PLIN3: variants seen among roughly 807,000 people sequenced by gnomAD.
The protein encoded by PLIN3 is perilipin-3.
A neutral mutation model predicts 35.9 loss-of-function variants in PLIN3; 30 were observed. That is an observed-to-expected ratio of 0.84 (90% CI 0.62 to 1.13). The LOEUF (loss-of-function observed/expected upper bound fraction) is 1.13, where lower values mean the gene tolerates loss of function less well. Among genes scored for constraint, PLIN3 ranks in the 50% most tolerant of loss-of-function variants. The probability of loss-of-function intolerance (pLI) is 0.00; values close to 1 mark genes in which losing one functional copy is unlikely to be tolerated. For synonymous variants in PLIN3, 261 were observed against 262.5 expected (o/e 0.99, Z 0.06); for missense variants, 603 against 596.9 (o/e 1.01, Z -0.11).
intron 7 of PLIN3, among the ~76,000 whole-genome samples, chr19:4,843,269 G>A (rs1194105492): frequency 6.6e-6 from 1 of 151,884 alleles, no homozygotes; most frequent in African/African-American, 2.4e-5. Context: ...CACTTTGGGA[G>A]GCCGAGGCGG....
chr19:4,864,219 T>C (rs973110881), intron 1 of PLIN3, among the ~76,000 whole-genome samples: 1 of 150,998 alleles, frequency 6.6e-6, no homozygotes, highest in African/African-American at 2.4e-5. Flanking sequence ...GTGGCGTGAT[T>C]TCGGCTCACT....
At chr19:4,856,031 A>G (rs1360646603) in intron 4 of PLIN3, among the ~76,000 whole-genome samples, 1 of 152,062 alleles carries the variant, frequency 6.6e-6, no homozygotes, top group Non-Finnish European at 1.5e-5. Flanking sequence ...GGGACAGCAC[A>G]GCTCCCCGGC....
At position 4,860,082 on chromosome 19, in the gene PLIN3, G is replaced by A. The variant is rs1599174285; in HGVS notation, c.67-58C>T. On this transcript the variant is annotated intron_variant, in intron 2 of 7. Coordinates refer to ENST00000221957, the MANE Select transcript of PLIN3 (RefSeq NM_005817.5). ...TGGGGGAAGATGGGGAGCTCAGCCG[G>A]AAACTCAGGGTGCCCTGCAGTTTTG... 3 of 1,503,002 alleles carry A rather than the reference G, an allele frequency of 2.0e-6. No homozygotes were observed. The East Asian group carries it at 6.9e-5, about 34-fold the overall frequency. The allele number at this position is 1,503,002 out of a possible 1,614,324, so 93.1% of individuals were successfully genotyped here.
Position 4,838,531 on chromosome 19 carries a change from A to G in PLIN3, c.*661T>C, listed in dbSNP as rs1233690682. ...TAGCTACAGGCTGATATTCAGGGAC[A>G]TCGGTGTAAACAAAGAAGTGGGATA... On this transcript the variant is annotated 3_prime_UTR_variant, in exon 8 of 8. Coordinates refer to ENST00000221957, the MANE Select transcript of PLIN3 (RefSeq NM_005817.5). 6.6e-6 allele frequency: 1 copy of G among 152,242 alleles called. No homozygotes were observed. The highest frequency in any genetic ancestry group is 1.5e-5 in the Non-Finnish European group (1 of 68,026). 9.4% of individuals were successfully genotyped at this position (152,242 alleles called of 1,614,324 possible).
chr19:4,858,564 A>T (rs1486106708), intron 4 of PLIN3, among the ~76,000 whole-genome samples: 1 of 149,438 alleles, frequency 6.7e-6, no homozygotes, highest in Non-Finnish European at 1.5e-5. Flanking sequence ...TTGTAGTTTT[A>T]GTAGAGATGG....
At position 4,839,475 on chromosome 19, in the gene PLIN3, C is replaced by T. The variant is rs2093625800; in HGVS notation, c.1022G>A (p.Cys341Tyr). ...CTGAATGCTGGACCCCAGGGAGGTACAGGTGGCCTGCAGTTGCTGGGCAAT... is the reference window on the plus strand; with the variant it reads ...CTGAATGCTGGACCCCAGGGAGGTATAGGTGGCCTGCAGTTGCTGGGCAAT... ...RDIAQQLQAT[C>Y]TSLGSSIQGL... The change falls in exon 8 of 8, where the codon TGT becomes TAT. Residue 341 changes from cysteine to tyrosine, a missense_variant. Physicochemically the swap from Cys to Tyr is radical, Grantham distance 194. Coordinates refer to ENST00000221957, the MANE Select transcript of PLIN3 (RefSeq NM_005817.5). The T allele has an allele frequency of 1.3e-6, 2 of 1,560,708 alleles. No homozygotes were observed. The highest frequency in any genetic ancestry group is 1.2e-5 in the South Asian group (1 of 84,334).
rs1036804802 is a variant in PLIN3, at chr19:4,867,651, A to C, written c.-60T>G. On this transcript the variant is annotated 5_prime_UTR_variant, in exon 1 of 8. Transcript: ENST00000221957. ...CCCAGGAACAGCTGCCGCGACTTCA[A>C]AACCAGCTTGGAAACCGTCCGGGCC... 1.3e-5 allele frequency: 2 copies of C among 152,016 alleles called. No individual in the cohort carries two copies. Among genetic ancestry groups the C allele is most frequent in the African/African-American group, 4.8e-5 (2 of 41,390 alleles). The allele number at this position is 152,016 out of a possible 1,614,324, so 9.4% of individuals were successfully genotyped here.
At chr19:4,839,681 T>G in intron 7 of PLIN3, 145 bp from the exon 8 acceptor site, 1 of 557,426 alleles carries the variant, frequency 1.8e-6, no homozygotes, top group Non-Finnish European at 2.9e-6. Flanking sequence ...TTTTTTTTTT[T>G]TTGAGACGGA....
At chr19:4,857,949 C>A (rs1450757482) in intron 4 of PLIN3, among the ~76,000 whole-genome samples, 1 of 150,114 alleles carries the variant, frequency 6.7e-6, no homozygotes, top group African/African-American at 2.5e-5. Context: ...GCACTCCAGC[C>A]TGGGCAACAA....
chr19:4,857,551 A>C (rs1274061637), intron 4 of PLIN3, among the ~76,000 whole-genome samples: 1 of 152,080 alleles, frequency 6.6e-6, no homozygotes, highest in Non-Finnish European at 1.5e-5. Context: ...CCTGGGTGAC[A>C]GAGTGAGAAC....
Position 4,859,840 on chromosome 19 carries a change from T to C in PLIN3, c.251A>G (p.Lys84Arg). The C allele has an allele frequency of 6.2e-7, 1 of 1,613,222 alleles. No individual in the cohort carries two copies. ...ACTTCACCCACTCTGGGGCTCCAGC[T>C]TGGAGAGGATCGGCTGAGCCCCGCT... ...AVSGAQPILS[K>R]LEPQIASASE... The change falls in exon 3 of 8, where the codon AAG becomes AGG. Residue 84 changes from lysine to arginine, a missense_variant. Coordinates refer to ENST00000221957, the MANE Select transcript of PLIN3 (RefSeq NM_005817.5).
At position 4,852,192 on chromosome 19, in the gene PLIN3, G is replaced by A. The variant is rs200088381; in HGVS notation, c.458C>T (p.Ala153Val). The A allele has an allele frequency of 7.4e-6, 12 of 1,613,116 alleles. No homozygotes were observed. The highest frequency in any genetic ancestry group is 2.2e-5 in the East Asian group (1 of 44,882). ...VATQLSEAVD[A>V]TRGAVQSGVD... ...GCCGCTCTGCACAGCACCGCGGGTC[G>A]CGTCCACCGCCTCCGACAATTGGGT... Residue 153 changes from alanine (A) to valine (V), a missense_variant, in exon 5 of 8, where the codon GCG becomes GTG. Physicochemically the swap from Ala to Val is moderately conservative, Grantham distance 64. Coordinates refer to ENST00000221957, the MANE Select transcript of PLIN3 (RefSeq NM_005817.5).
intron 4 of PLIN3, among the ~76,000 whole-genome samples, chr19:4,854,152 C>T (rs372592650): frequency 4.5e-4 from 68 of 151,938 alleles, no homozygotes; most frequent in African/African-American, 1.6e-3. Flanking sequence ...AGGCTGGTTT[C>T]GAACTCCTGG....
Position 4,859,952 on chromosome 19 carries a change from C to T in PLIN3, c.139G>A (p.Ala47Thr), listed in dbSNP as rs201172017. 3 of 1,613,994 alleles carry T rather than the reference C, an allele frequency of 1.9e-6. No individual in the cohort carries two copies. Among genetic ancestry groups the T allele is most frequent in the African/African-American group, 1.3e-5 (1 of 74,930 alleles). ...TGCGGGTAGCTCTCCTTGGTGGAGG[C>T]ATAGGCTGCGGACACCATGTCGCAG... is the stretch of plus-strand genomic sequence containing the variant. ...STCDMVSAAY[A>T]STKESYPHIK... The change falls in exon 3 of 8, where the codon GCC (alanine) becomes ACC (threonine). Residue 47 changes from alanine (A) to threonine (T), a missense_variant. Transcript: ENST00000221957.
intron 1 of PLIN3, among the ~76,000 whole-genome samples, chr19:4,864,157 GTT>G (rs534017690): frequency 6.7e-5 from 8 of 119,918 alleles, no homozygotes; most frequent in African/African-American, 2.2e-4. Context: ...GTGTGGTTTT[GTT>G]TTTTTTTTTT....
rs201376970 is a variant in PLIN3 at position 4,839,309 on chromosome 19, G to A, written c.1188C>T (p.Ser396=). 1.3e-4 allele frequency: 206 copies of A among 1,613,942 alleles called. No homozygotes were observed. Among genetic ancestry groups the A allele is most frequent in the Admixed American group, 1.8e-4 (11 of 59,970 alleles). The change falls in exon 8 of 8, where the codon AGC becomes AGT. Residue 396 remains serine (S), a synonymous_variant. Transcript: ENST00000221957. The stretch of plus-strand genomic sequence containing the variant: ...CCATGTGGTCCAGGGCCTCGCGGGC[G>A]CTGGCGACACGCTCACGGCTCTGGG... ...ILAQSRERVA[S]AREALDHMVE...
chr19:4,861,656 G>A (rs949551568), intron 1 of PLIN3, among the ~76,000 whole-genome samples: 4 of 151,700 alleles, frequency 2.6e-5, no homozygotes, highest in African/African-American at 9.7e-5. Context: ...ATTTTCTTTG[G>A]AGACAGTCTC....
chr19:4,859,962 G>C lies in PLIN3; in HGVS notation c.129C>G (p.Ser43=), dbSNP rs773053228. 3 of 1,614,088 alleles carry C rather than the reference G, an allele frequency of 1.9e-6. No homozygotes were observed. The South Asian group carries it at 3.3e-5, about 18-fold the overall frequency. ...TCTCCTTGGTGGAGGCATAGGCTGCGGACACCATGTCGCAGGTGGAGCTGA... is the reference window on the plus strand; with the variant it reads ...TCTCCTTGGTGGAGGCATAGGCTGCCGACACCATGTCGCAGGTGGAGCTGA... The part of the protein sequence containing the change: ...PLISSTCDMV[S]AAYASTKESY... Residue 43 remains serine (S), a synonymous_variant, in exon 3 of 8, where the codon TCC becomes TCG. Transcript: ENST00000221957.
intron 7 of PLIN3, among the ~76,000 whole-genome samples, chr19:4,840,047 A>C (rs2029873760): frequency 2.8e-5 from 4 of 143,420 alleles, no homozygotes; most frequent in African/African-American, 1.1e-4. Flanking sequence ...GGCTCACTGC[A>C]ACCTCCGCCT....
Sources: gnomAD v4.1 joint callset for allele counts (sites outside exome capture counted in the v4.1 genomes callset) on GRCh38, gnomAD v4.1.1 for gene constraint, MANE v1.5 for transcripts, NCBI Gene and HGNC (gene_info 2026-07-23, HGNC 2026-07-21) for gene names.